L3MBTL3: variants seen among roughly 807,000 people sequenced by gnomAD.
L3MBTL3 encodes the protein lethal(3)malignant brain tumor-like protein 3.
In L3MBTL3, 27 loss-of-function variants were observed where a neutral mutation model predicts 102.3. The ratio of observed to expected loss-of-function variants is 0.26; its 90% CI spans 0.19 to 0.36. The LOEUF (loss-of-function observed/expected upper bound fraction) is 0.36, where lower values mean the gene tolerates loss of function less well. Ranked by LOEUF, L3MBTL3 falls within the 10% of genes least tolerant of loss-of-function variation. L3MBTL3 has a pLI of 1.00. For missense variants in L3MBTL3, 798 were observed against 955.3 expected (o/e 0.84, Z 2.17); for synonymous variants, 340 against 320.9 (o/e 1.06, Z -0.64).
At chr6:130,072,004 G>A (rs914193945) in intron 13 of L3MBTL3, among the ~76,000 whole-genome samples, 4 of 151,880 alleles carry the variant, frequency 2.6e-5, no homozygotes, top group African/African-American at 9.7e-5. Flanking sequence ...TGTTACCTAC[G>A]CTTTTTGCAG....
intron 2 of L3MBTL3, among the ~76,000 whole-genome samples, chr6:130,023,434 T>C (rs1275523137): frequency 6.6e-6 from 1 of 152,156 alleles, no homozygotes; most frequent in Non-Finnish European, 1.5e-5. Context: ...TAAAATCAGT[T>C]TCCTAAGATG....
intron 20 of L3MBTL3, among the ~76,000 whole-genome samples, chr6:130,132,408 G>C (rs1322386787): frequency 6.6e-6 from 1 of 152,118 alleles, no homozygotes. Context: ...TGGTTACATG[G>C]GTGTGTTCAC....
chr6:130,129,642 A>G (rs540910015), intron 20 of L3MBTL3, among the ~76,000 whole-genome samples: 17 of 152,322 alleles, frequency 1.1e-4, no homozygotes, highest in African/African-American at 3.9e-4. Context: ...CATCACAGAA[A>G]ACTTCAGAAA....
intron 10 of L3MBTL3, among the ~76,000 whole-genome samples, chr6:130,063,953 GTGT>G (rs1782077198): frequency 1.3e-5 from 2 of 152,198 alleles, no homozygotes; most frequent in African/African-American, 4.8e-5. Context: ...TGACTCAAAA[GTGT>G]TGTCAGTCTG....
intron 9 of L3MBTL3, among the ~76,000 whole-genome samples, chr6:130,058,631 T>A (rs2114874837): frequency 6.6e-6 from 1 of 152,264 alleles, no homozygotes; most frequent in South Asian, 2.1e-4. Context: ...GTAAACTTTT[T>A]TGGTAAAGGG....
intron 20 of L3MBTL3, 41 bp downstream of exon 20, chr6:130,120,999 C>G: frequency 8.2e-7 from 1 of 1,224,668 alleles, no homozygotes; most frequent in Non-Finnish European, 1.2e-6. Context: ...TGTATTACTG[C>G]TAATATGAAA....
intron 19 of L3MBTL3, among the ~76,000 whole-genome samples, chr6:130,113,787 C>T (rs1300365853): frequency 6.6e-6 from 1 of 152,140 alleles, no homozygotes; most frequent in African/African-American, 2.4e-5. Flanking sequence ...CTAGTCACAC[C>T]GAAAGCCGAG....
rs1166658310 is a variant in L3MBTL3 at position 130,068,621 on chromosome 6, CTT to C, written c.1092+203_1092+204del. On this transcript the variant is annotated intron_variant, in intron 12 of 22. Transcript: ENST00000361794. ...TTTTATAGCCATATTATGGTTGTCT[CTT>C]TTATTGCATAGTAGAAGACAAGATA... Among the ~76,000 whole-genome samples, 3 of 152,228 alleles carry C rather than the reference CTT, an allele frequency of 2.0e-5. No homozygotes were observed. The East Asian group carries it at 5.8e-4, about 29-fold the overall frequency.
intron 2 of L3MBTL3, among the ~76,000 whole-genome samples, chr6:130,040,815 A>G (rs534832406): frequency 6.6e-6 from 1 of 152,338 alleles, no homozygotes; most frequent in East Asian, 1.9e-4. Context: ...TTCCCATTTC[A>G]TCACACAATA....
chr6:130,090,275 G>C (rs951513890), intron 16 of L3MBTL3, among the ~76,000 whole-genome samples: 4 of 152,004 alleles, frequency 2.6e-5, no homozygotes, highest in African/African-American at 9.7e-5. Flanking sequence ...CCAGTCTCCT[G>C]ATGATGGGCA....
At chr6:130,106,457 A>G (rs1021341069) in intron 19 of L3MBTL3, among the ~76,000 whole-genome samples, 1 of 152,170 alleles carries the variant, frequency 6.6e-6, no homozygotes, top group Non-Finnish European at 1.5e-5. Context: ...AATGAAATGT[A>G]TGTCCTTGCT....
chr6:130,128,926 T>C (rs570846861), intron 20 of L3MBTL3, among the ~76,000 whole-genome samples: 1 of 152,314 alleles, frequency 6.6e-6, no homozygotes, highest in South Asian at 2.1e-4. Context: ...GCTGACCCTG[T>C]TGGAGGTGCA....
chr6:130,138,959 A>G (rs1788007723), intron 22 of L3MBTL3, among the ~76,000 whole-genome samples: 1 of 152,178 alleles, frequency 6.6e-6, no homozygotes, highest in East Asian at 1.9e-4. Flanking sequence ...GAAGATGTCC[A>G]GAGAGAGGAA....
At chr6:130,115,227 C>T (rs543558289) in intron 19 of L3MBTL3, among the ~76,000 whole-genome samples, 6 of 152,192 alleles carry the variant, frequency 3.9e-5, no homozygotes, top group South Asian at 2.1e-4. Flanking sequence ...AGAAGGGTGG[C>T]GTTATTTTAA....
intron 13 of L3MBTL3, among the ~76,000 whole-genome samples, chr6:130,075,353 G>A (rs7764762): frequency 0.25 from 38,024 of 151,976 alleles, 5,177 homozygotes; most frequent in African/African-American, 0.32. Flanking sequence ...AAGAAGGAAT[G>A]GGTACTTAGA....
At chr6:130,093,563 T>C (rs1307223798) in intron 17 of L3MBTL3, among the ~76,000 whole-genome samples, 2 of 152,160 alleles carry the variant, frequency 1.3e-5, no homozygotes, top group African/African-American at 2.4e-5. Context: ...GGAAAAATAT[T>C]GGTTAAATAA....
intron 18 of L3MBTL3, among the ~76,000 whole-genome samples, chr6:130,098,399 A>AT (rs2115291889): frequency 6.6e-6 from 1 of 152,284 alleles, no homozygotes; most frequent in East Asian, 1.9e-4. Flanking sequence ...GTGTAAACAG[A>AT]TTCTCATAGA....
intron 10 of L3MBTL3, among the ~76,000 whole-genome samples, chr6:130,063,097 C>T (rs1782017960): frequency 6.7e-6 from 1 of 149,404 alleles, no homozygotes; most frequent in African/African-American, 2.5e-5. Context: ...TTGGAAGATT[C>T]AGAGAAGAGG....
At chr6:130,042,664 T>C (rs1279788272) in intron 2 of L3MBTL3, 21 bp from the exon 3 acceptor site, 2 of 1,338,028 alleles carry the variant, frequency 1.5e-6, no homozygotes, top group Non-Finnish European at 2.2e-6. Context: ...TTTAGTGATA[T>C]GCCTTCTTTT....
Sources: allele counts gnomAD v4.1 joint callset (sites outside exome capture counted in the v4.1 genomes callset), GRCh38; gene constraint gnomAD v4.1.1; transcripts MANE v1.5; gene names NCBI Gene and HGNC (gene_info 2026-07-23, HGNC 2026-07-21).